The following LMF1 variants were observed in gnomAD, a reference collection of about 807,000 sequenced individuals.
LMF1 encodes transmembrane protein 112.
LMF1 carries 68 observed loss-of-function variants against 60.6 expected under a neutral mutation model. The observed-to-expected ratio is 1.12, with a 90% CI of 0.92 to 1.37. The LOEUF is 1.37. Ranked by LOEUF, LMF1 falls within the 40% of genes most tolerant of loss-of-function variation. The pLI is 0.00. For synonymous variants in LMF1, 418 were observed against 324.7 expected (o/e 1.29, Z -3.09); for missense variants, 948 against 767.2 (o/e 1.24, Z -2.78).
intron 3 of LMF1, among the ~76,000 whole-genome samples, chr16:918,389 C>T (rs905622102): frequency 2.6e-5 from 4 of 152,222 alleles, no homozygotes; most frequent in African/African-American, 9.6e-5. Context: ...ATGACCTTAG[C>T]TATCTTTATT....
chr16:970,285 C>T (rs896196760), intron 1 of LMF1, among the ~76,000 whole-genome samples: 1 of 152,228 alleles, frequency 6.6e-6, no homozygotes, highest in East Asian at 1.9e-4. Context: ...AGGGATGTGG[C>T]GTGCGGGCGT....
chr16:905,724 G>A (rs995067178), intron 4 of LMF1, among the ~76,000 whole-genome samples: 6 of 151,974 alleles, frequency 3.9e-5, no homozygotes, highest in African/African-American at 7.3e-5. Flanking sequence ...TCATTTTCTC[G>A]GTGGTGTCTT....
intron 6 of LMF1, among the ~76,000 whole-genome samples, chr16:877,534 G>A (rs577445235): frequency 3.9e-5 from 6 of 152,284 alleles, no homozygotes; most frequent in Admixed American, 2.0e-4. Flanking sequence ...AACTCGCCAC[G>A]TTACAGACGA....
At chr16:923,606 C>T (rs1003554986) in intron 3 of LMF1, among the ~76,000 whole-genome samples, 13 of 152,148 alleles carry the variant, frequency 8.5e-5, no homozygotes, top group African/African-American at 2.7e-4. Flanking sequence ...TCCCTAAGAG[C>T]ACTGCTTTAG....
At chr16:932,805 T>C (rs2071829099) in intron 3 of LMF1, among the ~76,000 whole-genome samples, 2 of 152,250 alleles carry the variant, frequency 1.3e-5, no homozygotes, top group African/African-American at 4.8e-5. Context: ...TGTGGGCATT[T>C]TGATACTGAA....
intron 1 of LMF1, among the ~76,000 whole-genome samples, chr16:977,939 T>TACACACGCAC (rs1393679596): frequency 1.8e-5 from 1 of 54,232 alleles, no homozygotes; most frequent in Admixed American, 2.0e-4. Context: ...ACATACATCA[T>TACACACGCAC]ACACACGCAC....
intron 6 of LMF1, among the ~76,000 whole-genome samples, chr16:879,184 C>A (rs1336578605): frequency 6.6e-6 from 1 of 152,138 alleles, no homozygotes; most frequent in African/African-American, 2.4e-5. Flanking sequence ...CGTGGACTGA[C>A]ATGAACACTT....
At chr16:975,605 C>CT (rs778730568), upstream of LMF1, among the ~76,000 whole-genome samples, 7 of 152,242 alleles carry the variant, frequency 4.6e-5, no homozygotes, top group Admixed American at 6.5e-5. Flanking sequence ...CTATGAGCCT[C>CT]TAGAGCAAAG....
intron 1 of LMF1, 121 bp downstream of exon 1, chr16:970,667 A>C (rs2151497965): frequency 1.1e-6 from 1 of 902,884 alleles, no homozygotes; most frequent in South Asian, 1.9e-5. Flanking sequence ...CCCCAGCAGG[A>C]AGGAGGGCTG....
chr16:926,214 C>A (rs371116148), intron 3 of LMF1, among the ~76,000 whole-genome samples: 3 of 150,870 alleles, frequency 2.0e-5, no homozygotes, highest in East Asian at 3.9e-4. Context: ...GGTCTGTGTG[C>A]GCGTGTGCAC....
intron 3 of LMF1, among the ~76,000 whole-genome samples, chr16:932,051 C>G (rs911094385): frequency 6.6e-6 from 1 of 152,236 alleles, no homozygotes; most frequent in African/African-American, 2.4e-5. Flanking sequence ...CCCATGCAGA[C>G]CCCGTTGCTT....
chr16:927,513 C>A (rs74004033), intron 3 of LMF1, among the ~76,000 whole-genome samples: 2 of 152,224 alleles, frequency 1.3e-5, no homozygotes, highest in African/African-American at 2.4e-5. Context: ...AGCGAGCTCA[C>A]GGCAGAGGCC....
At chr16:909,430 C>T (rs762082151) in intron 4 of LMF1, among the ~76,000 whole-genome samples, 4 of 152,144 alleles carry the variant, frequency 2.6e-5, no homozygotes, top group South Asian at 2.1e-4. Context: ...CACCAAGCCA[C>T]GCCACACAGA....
intron 2 of LMF1, among the ~76,000 whole-genome samples, chr16:946,123 C>T (rs563975017): frequency 1.2e-4 from 18 of 152,326 alleles, no homozygotes; most frequent in African/African-American, 3.6e-4. Flanking sequence ...TCGGAGCTGG[C>T]TTCAGCTGTG....
intron 5 of LMF1, among the ~76,000 whole-genome samples, chr16:882,820 A>G (rs1478288699): frequency 7.0e-6 from 1 of 142,192 alleles, no homozygotes; most frequent in African/African-American, 2.7e-5. Context: ...GGCAGAGCCT[A>G]TCACAGGACC....
chr16:865,887 G>A (rs2069596975), intron 10 of LMF1, among the ~76,000 whole-genome samples: 1 of 152,096 alleles, frequency 6.6e-6, no homozygotes, highest in South Asian at 2.1e-4. Flanking sequence ...CTATGTTTAA[G>A]TTTATTGATT....
At chr16:940,347 T>G (rs1272355270) in intron 2 of LMF1, among the ~76,000 whole-genome samples, 1 of 152,020 alleles carries the variant, frequency 6.6e-6, no homozygotes, top group East Asian at 1.9e-4. Context: ...GGGAACTGGT[T>G]TGGACATATC....
intron 3 of LMF1, among the ~76,000 whole-genome samples, chr16:921,869 G>C (rs916363572): frequency 6.6e-6 from 1 of 152,198 alleles, no homozygotes; most frequent in African/African-American, 2.4e-5. Context: ...AGGTTAAAAG[G>C]TTTGAAATGT....
intron 2 of LMF1, among the ~76,000 whole-genome samples, chr16:938,121 G>T (rs2071995744): frequency 6.6e-6 from 1 of 152,240 alleles, no homozygotes; most frequent in African/African-American, 2.4e-5. Context: ...TCGCAGGAGA[G>T]GGGGTGGAGC....
Sources: gnomAD v4.1 joint callset for allele counts (sites outside exome capture counted in the v4.1 genomes callset) on GRCh38, gnomAD v4.1.1 for gene constraint, MANE v1.5 for transcripts, NCBI Gene and HGNC (gene_info 2026-07-23, HGNC 2026-07-21) for gene names.